Variants in SLC24A3 observed in about 807,000 individuals in gnomAD.
The protein encoded by SLC24A3 is solute carrier family 24 member 3.
SLC24A3 carries 28 observed loss-of-function variants against 75.8 expected under a neutral mutation model. The observed-to-expected ratio is 0.37, with a 90% CI of 0.27 to 0.51. The LOEUF (loss-of-function observed/expected upper bound fraction) is 0.51, where lower values mean the gene tolerates loss of function less well. Among genes scored for constraint, SLC24A3 ranks in the 20% least tolerant of loss-of-function variants. The pLI, the probability that SLC24A3 is intolerant of heterozygous loss-of-function variation, is 0.94. For missense variants in SLC24A3, 663 were observed against 847.8 expected, an observed-to-expected ratio of 0.78 and a Z score of 2.71; for synonymous variants, 372 against 334.1, an observed-to-expected ratio of 1.11 and a Z score of -1.24.
At chr20:19,270,863 C>T (rs1022129118) in intron 1 of SLC24A3, among the ~76,000 whole-genome samples, 1 of 152,150 alleles carries the variant, frequency 6.6e-6, no homozygotes, top group South Asian at 2.1e-4. Context: ...GGGTCTTCAT[C>T]AGGTGGGGTC....
intron 2 of SLC24A3, among the ~76,000 whole-genome samples, chr20:19,411,127 A>T (rs1986737553): frequency 6.6e-6 from 1 of 152,070 alleles, no homozygotes; most frequent in African/African-American, 2.4e-5. Flanking sequence ...GCTGTGGAGG[A>T]TGCCTGCTTG....
intron 2 of SLC24A3, among the ~76,000 whole-genome samples, chr20:19,360,896 G>A (rs1054263824): frequency 1.2e-4 from 18 of 151,604 alleles, no homozygotes; most frequent in South Asian, 6.2e-4. Context: ...GCACAATCTC[G>A]GCTCACTGCA....
chr20:19,215,183 G>GT (rs1435619985), intron 1 of SLC24A3, among the ~76,000 whole-genome samples: 10 of 152,216 alleles, frequency 6.6e-5, no homozygotes, highest in Non-Finnish European at 1.5e-4. Context: ...TTTGGCACAC[G>GT]TAAGCATTTG....
intron 9 of SLC24A3, among the ~76,000 whole-genome samples, chr20:19,677,913 C>G (rs150386714): frequency 9.3e-5 from 14 of 151,334 alleles, no homozygotes; most frequent in African/African-American, 2.4e-4. Flanking sequence ...TGACTCTTAA[C>G]GAGCATGCTG....
intron 2 of SLC24A3, among the ~76,000 whole-genome samples, chr20:19,427,678 T>G (rs1183005789): frequency 6.6e-6 from 1 of 152,136 alleles, no homozygotes; most frequent in East Asian, 1.9e-4. Flanking sequence ...CCCTCCGACT[T>G]GTCCTCCTCC....
At chr20:19,555,205 C>T (rs534266639) in intron 3 of SLC24A3, among the ~76,000 whole-genome samples, 152 of 152,216 alleles carry the variant, frequency 1.0e-3, no homozygotes, top group African/African-American at 3.4e-3. Flanking sequence ...AAGAGAAGAA[C>T]TTATGTACTT....
At chr20:19,469,318 C>T (rs906632882) in intron 2 of SLC24A3, among the ~76,000 whole-genome samples, 1 of 152,140 alleles carries the variant, frequency 6.6e-6, no homozygotes, top group African/African-American at 2.4e-5. Flanking sequence ...TTGGTGGCAG[C>T]AGTGGGGAGC....
chr20:19,534,782 A>G (rs2030366920), intron 3 of SLC24A3, among the ~76,000 whole-genome samples: 1 of 152,218 alleles, frequency 6.6e-6, no homozygotes, highest in Admixed American at 6.5e-5. Flanking sequence ...GCTCCTTAGC[A>G]AGTGTATAAG....
intron 2 of SLC24A3, among the ~76,000 whole-genome samples, chr20:19,449,946 A>G (rs981528829): frequency 3.9e-5 from 6 of 152,238 alleles, no homozygotes; most frequent in African/African-American, 1.4e-4. Context: ...GCACTCATTT[A>G]TGCATGCATT....
At chr20:19,577,570 A>T (rs375443489) in intron 3 of SLC24A3, among the ~76,000 whole-genome samples, 2 of 152,342 alleles carry the variant, frequency 1.3e-5, no homozygotes, top group South Asian at 4.1e-4. Context: ...ATATTACAAA[A>T]TATAGTTATG....
intron 3 of SLC24A3, among the ~76,000 whole-genome samples, chr20:19,568,501 C>T (rs2030998392): frequency 6.6e-6 from 1 of 152,084 alleles, no homozygotes; most frequent in African/African-American, 2.4e-5. Context: ...GTGAAATAAG[C>T]CTGTCCCAAA....
chr20:19,215,384 T>C (rs1425755524), intron 1 of SLC24A3, among the ~76,000 whole-genome samples: 1 of 152,192 alleles, frequency 6.6e-6, no homozygotes, highest in Non-Finnish European at 1.5e-5. Flanking sequence ...GGTTTTTTGT[T>C]CCCTACTCTG....
intron 10 of SLC24A3, 106 bp downstream of exon 10, chr20:19,682,097 A>G: frequency 7.7e-7 from 1 of 1,293,438 alleles, no homozygotes; most frequent in Admixed American, 2.2e-5. Flanking sequence ...TACTAAAAAT[A>G]CAACAAAATT....
At chr20:19,409,733 A>G (rs1035421852) in intron 2 of SLC24A3, among the ~76,000 whole-genome samples, 1 of 152,176 alleles carries the variant, frequency 6.6e-6, no homozygotes, top group Non-Finnish European at 1.5e-5. Context: ...GGAAAATACT[A>G]ACACTACTAT....
chr20:19,220,599 T>A (rs1981680831), intron 1 of SLC24A3, among the ~76,000 whole-genome samples: 1 of 152,234 alleles, frequency 6.6e-6, no homozygotes, highest in African/African-American at 2.4e-5. Flanking sequence ...CTAGGTGGAA[T>A]ATAGAGCTGA....
At chr20:19,264,727 T>TAAAA (rs1983106390) in intron 1 of SLC24A3, among the ~76,000 whole-genome samples, 1 of 32,270 alleles carries the variant, frequency 3.1e-5, no homozygotes, top group African/African-American at 1.3e-4. Flanking sequence ...AGACTCCATC[T>TAAAA]CAAAAAAAAA....
chr20:19,495,914 C>A (rs1988278057), intron 2 of SLC24A3, among the ~76,000 whole-genome samples: 1 of 152,240 alleles, frequency 6.6e-6, no homozygotes, highest in Admixed American at 6.5e-5. Context: ...AATACATAGC[C>A]ACACAGTGGA....
intron 6 of SLC24A3, among the ~76,000 whole-genome samples, chr20:19,606,382 A>T (rs2031597893): frequency 6.6e-6 from 1 of 152,232 alleles, no homozygotes; most frequent in African/African-American, 2.4e-5. Context: ...TAGAGATAAT[A>T]GCAGTTGGTA....
intron 12 of SLC24A3, among the ~76,000 whole-genome samples, chr20:19,690,701 C>CT (rs1352878298): frequency 1.3e-5 from 2 of 152,162 alleles, no homozygotes; most frequent in Non-Finnish European, 2.9e-5. Context: ...TGGCCATATC[C>CT]TGGATTCTGC....
Sources: gnomAD v4.1 joint callset for allele counts (sites outside exome capture counted in the v4.1 genomes callset) on GRCh38, gnomAD v4.1.1 for gene constraint, MANE v1.5 for transcripts, NCBI Gene and HGNC (gene_info 2026-07-23, HGNC 2026-07-21) for gene names.